The following SULT6B1 variants were observed in gnomAD, a reference collection of about 807,000 sequenced individuals.
SULT6B1 encodes sulfotransferase family 6B member 1.
SULT6B1 carries 44 observed loss-of-function variants against 37.2 expected under a neutral mutation model. That is an observed-to-expected ratio of 1.18 (90% confidence interval 0.93 to 1.52). The LOEUF is 1.52. SULT6B1 is among the 40% of genes most tolerant of loss of function. The pLI, the probability that SULT6B1 is intolerant of heterozygous loss-of-function variation, is 0.00. For synonymous variants in SULT6B1, 140 were observed against 126.0 expected, an observed-to-expected ratio of 1.11 and a Z score of -0.74; for missense variants, 450 against 361.0, an observed-to-expected ratio of 1.25 and a Z score of -2.00.
Position 37,188,500 on chromosome 2 carries a change from C to T in SULT6B1, c.141G>A (p.Ala47=), listed in dbSNP as rs778510865. The T allele has an allele frequency of 1.3e-5, 21 of 1,614,030 alleles. No homozygotes were observed. Among genetic ancestry groups the T allele is most frequent in the South Asian group, 4.4e-5 (4 of 91,080 alleles). ...CATGTCTGGCTTCGAAGGTGTCCAG[C>T]GCTTGGAAAGTTTCTGAGGTGCACA... ...ITMCTSETFQ[A]LDTFEARHDD... is the part of the protein sequence containing the mutation. The change falls in exon 1 of 7, where the codon GCG becomes GCA. Residue 47 remains alanine, a synonymous_variant. Transcript: ENST00000535679.
At chr2:37,179,341 C>A in intron 4 of SULT6B1, 117 bp downstream of exon 4, 1 of 1,318,472 alleles carries the variant, frequency 7.6e-7, no homozygotes. Context: ...TTAAATGAAA[C>A]TTTTTGGTTC....
At chr2:37,174,428 C>A (rs1676370508) in intron 5 of SULT6B1, among the ~76,000 whole-genome samples, 1 of 151,460 alleles carries the variant, frequency 6.6e-6, no homozygotes, top group Non-Finnish European at 1.5e-5. Flanking sequence ...GAACTCCTGG[C>A]CTGAAGTGAT....
At chr2:37,183,312 C>A in intron 3 of SULT6B1, 113 bp downstream of exon 3, 1 of 810,418 alleles carries the variant, frequency 1.2e-6, no homozygotes, top group Non-Finnish European at 2.0e-6. Context: ...AACTAAATGT[C>A]ACAGTTCATT....
chr2:37,176,897 T>C (rs959667451), intron 4 of SULT6B1, among the ~76,000 whole-genome samples: 1 of 152,126 alleles, frequency 6.6e-6, no homozygotes, highest in African/African-American at 2.4e-5. Flanking sequence ...AAGGAACACA[T>C]TCGGCTACTG....
chr2:37,183,982 G>A (rs571933688), intron 2 of SULT6B1, among the ~76,000 whole-genome samples: 33 of 152,288 alleles, frequency 2.2e-4, no homozygotes, highest in African/African-American at 7.2e-4. Context: ...TTGTGGAGAT[G>A]AGGAATGAAG....
chr2:37,172,389 G>T (rs1676324012), intron 5 of SULT6B1, among the ~76,000 whole-genome samples: 1 of 152,164 alleles, frequency 6.6e-6, no homozygotes, highest in Non-Finnish European at 1.5e-5. Flanking sequence ...TTTATTAACA[G>T]CTGGGGCAAC....
intron 2 of SULT6B1, among the ~76,000 whole-genome samples, 182 bp from the exon 3 acceptor site, chr2:37,183,696 T>A (rs1676606884): frequency 6.6e-6 from 1 of 152,220 alleles, no homozygotes; most frequent in Non-Finnish European, 1.5e-5. Context: ...CAGGCTGTAG[T>A]GTTGTGGCGC....
At chr2:37,171,683 T>A in intron 5 of SULT6B1, 93 bp from the exon 6 acceptor site, 1 of 1,216,542 alleles carries the variant, frequency 8.2e-7, no homozygotes, top group Non-Finnish European at 1.1e-6. Context: ...TTATTCAGCC[T>A]AACTCCCTAG....
At chr2:37,193,850 T>G (rs1676837536) in intron 1 of SULT6B1, among the ~76,000 whole-genome samples, 1 of 152,126 alleles carries the variant, frequency 6.6e-6, no homozygotes, top group South Asian at 2.1e-4. Context: ...GTCATTTGCA[T>G]CCCTCTACCA....
intron 2 of SULT6B1, among the ~76,000 whole-genome samples, chr2:37,184,376 T>C (rs1676624469): frequency 6.6e-6 from 1 of 152,234 alleles, no homozygotes; most frequent in Non-Finnish European, 1.5e-5. Flanking sequence ...ACAAAGGTGA[T>C]TGATTCTTTT....
intron 1 of SULT6B1, chr2:37,195,938 C>T (rs1333304666): frequency 1.3e-5 from 2 of 152,412 alleles, no homozygotes; most frequent in Admixed American, 1.3e-4. Flanking sequence ...TCTCCTGCCT[C>T]AGCCTCCCCG....
chr2:37,185,038 C>T (rs534250915), intron 2 of SULT6B1, among the ~76,000 whole-genome samples: 3 of 152,198 alleles, frequency 2.0e-5, no homozygotes, highest in South Asian at 4.1e-4. Context: ...AGGTAGATAT[C>T]GTAACCCCCA....
intron 5 of SULT6B1, among the ~76,000 whole-genome samples, chr2:37,172,914 A>G (rs1385431353): frequency 1.3e-5 from 2 of 151,372 alleles, no homozygotes; most frequent in Non-Finnish European, 2.9e-5. Flanking sequence ...GTGCAATGGC[A>G]CAATATCAGC....
Position 37,171,227 on chromosome 2 carries a change from G to A in SULT6B1, c.781+207C>T, listed in dbSNP as rs573495752. 1.1e-4 allele frequency among the ~76,000 whole-genome samples: 16 copies of A among 152,134 alleles called. No homozygotes were observed. In the East Asian group the frequency reaches 1.9e-3, roughly 18 times the overall value. ...TGCACTCCAGCCTGGGCAACAGAGC[G>A]AGACTCCGTCTCAAAACAAACAAAT... On this transcript the variant is annotated intron_variant, in intron 6 of 6. Transcript: ENST00000535679.
chr2:37,189,961 C>T (rs1358460914), upstream of SULT6B1: 2 of 152,234 alleles, frequency 1.3e-5, no homozygotes, highest in Non-Finnish European at 2.9e-5. Flanking sequence ...GGCAGACTAA[C>T]AAGACAGAGG....
chr2:37,171,667 T>C, intron 5 of SULT6B1, 77 bp from the exon 6 acceptor site: 1 of 1,391,108 alleles, frequency 7.2e-7, no homozygotes, highest in Non-Finnish European at 9.8e-7. Flanking sequence ...TTTTTAGTCA[T>C]CAGAGTTATT....
chr2:37,178,050 C>CA, intron 4 of SULT6B1, among the ~76,000 whole-genome samples: 1 of 151,128 alleles, frequency 6.6e-6, no homozygotes, highest in East Asian at 1.9e-4. Context: ...AGTGATTTAA[C>CA]TTTTTTTTTG....
chr2:37,169,461 T>C (rs1676249043), intron 6 of SULT6B1, among the ~76,000 whole-genome samples: 1 of 152,104 alleles, frequency 6.6e-6, no homozygotes, highest in Non-Finnish European at 1.5e-5. Context: ...AGTGGGTTTT[T>C]TGGTTTGTTT....
intron 1 of SULT6B1, among the ~76,000 whole-genome samples, chr2:37,195,860 C>T (rs961532419): frequency 2.6e-5 from 4 of 151,652 alleles, no homozygotes; most frequent in Non-Finnish European, 4.4e-5. Flanking sequence ...CTCACTCTGT[C>T]GCCCAGGCTG....
Sources: gnomAD v4.1 joint callset for allele counts (sites outside exome capture counted in the v4.1 genomes callset) on GRCh38, gnomAD v4.1.1 for gene constraint, MANE v1.5 for transcripts, NCBI Gene and HGNC (gene_info 2026-07-23, HGNC 2026-07-21) for gene names.